The following METTL22 variants were observed in gnomAD, a reference collection of about 807,000 sequenced individuals.
METTL22 encodes the protein methyltransferase 22, Kin17 lysine, also known as methyltransferase-like protein 22.
Under a neutral mutation model 48.4 loss-of-function variants are expected in METTL22, and 51 were observed. The ratio of observed to expected loss-of-function variants is 1.05; its 90% CI spans 0.84 to 1.33. The LOEUF (loss-of-function observed/expected upper bound fraction) is 1.33. Ranked by LOEUF, METTL22 falls within the 40% of genes most tolerant of loss-of-function variation. METTL22 has a pLI of 0.00. For synonymous variants in METTL22, 255 were observed against 214.1 expected, an observed-to-expected ratio of 1.19 and a Z score of -1.67; for missense variants, 678 against 526.9, an observed-to-expected ratio of 1.29 and a Z score of -2.81.
At chr16:8,627,509 G>A (rs1008628282) in intron 2 of METTL22, among the ~76,000 whole-genome samples, 7 of 152,120 alleles carry the variant, frequency 4.6e-5, no homozygotes, top group Non-Finnish European at 1.0e-4. Flanking sequence ...GTATTAGCTT[G>A]TTATGGTGTG....
intron 3 of METTL22, 64 bp downstream of exon 3, chr16:8,629,174 G>A: frequency 6.4e-7 from 1 of 1,559,288 alleles, no homozygotes; most frequent in Non-Finnish European, 8.7e-7. Flanking sequence ...ACTGCTCAGG[G>A]CTCAGTATGA....
chr16:8,642,009 C>A, intron 7 of METTL22, 118 bp from the exon 8 acceptor site: 1 of 772,012 alleles, frequency 1.3e-6, no homozygotes, highest in South Asian at 1.5e-5. Context: ...GTGCCCACTG[C>A]ACCGAGCTAC....
chr16:8,623,171 G>A (rs2055914050), intron 1 of METTL22, among the ~76,000 whole-genome samples: 1 of 151,972 alleles, frequency 6.6e-6, no homozygotes, highest in Non-Finnish European at 1.5e-5. Context: ...AAAATTAGGT[G>A]GACATTGTGG....
chr16:8,629,511 G>A (rs1401822907), intron 3 of METTL22, among the ~76,000 whole-genome samples: 1 of 152,176 alleles, frequency 6.6e-6, no homozygotes. Flanking sequence ...TGGCTGGGCT[G>A]GCAGTAGGGA....
At chr16:8,666,311 G>A in the METTL22 span, among the ~76,000 whole-genome samples, 12 of 152,136 alleles carry the variant, frequency 7.9e-5, no homozygotes, top group Non-Finnish European at 1.0e-4. Flanking sequence ...CCAATGGAAC[G>A]GAGCTGCAGT....
At chr16:8,660,780 TGGAGGA>T in the METTL22 span, among the ~76,000 whole-genome samples, 181 of 15,674 alleles carry the variant, frequency 0.012, 2 homozygotes, top group South Asian at 0.041. Flanking sequence ...GGGCAAGTCT[TGGAGGA>T]GGAGGAGGAG....
At chr16:8,658,679 C>G in the METTL22 span, among the ~76,000 whole-genome samples, 2 of 152,338 alleles carry the variant, frequency 1.3e-5, no homozygotes, top group Middle Eastern at 3.4e-3. Context: ...ACCGAAAGAT[C>G]TTCCTGCTAT....
downstream of METTL22, among the ~76,000 whole-genome samples, chr16:8,652,415 T>C (rs550965221): frequency 3.5e-3 from 478 of 135,400 alleles, 2 homozygotes; most frequent in Middle Eastern, 0.014. Context: ...GCCGAGATCA[T>C]GCCGCTGCAC....
downstream of METTL22, among the ~76,000 whole-genome samples, chr16:8,652,244 C>A (rs1641088): frequency 0.99 from 149,999 of 151,910 alleles, 74,086 homozygotes; most frequent in Middle Eastern, 1. Flanking sequence ...GGATCATTTG[C>A]GGTCAGGAGT....
the METTL22 span, among the ~76,000 whole-genome samples, chr16:8,655,780 C>T: frequency 1.3e-5 from 2 of 152,344 alleles, no homozygotes; most frequent in African/African-American, 4.8e-5. Context: ...CCATTGAGCA[C>T]CAACTTCCAT....
downstream of METTL22, among the ~76,000 whole-genome samples, chr16:8,651,113 C>T (rs77761039): frequency 0.092 from 13,872 of 151,404 alleles, 725 homozygotes; most frequent in Middle Eastern, 0.14. Context: ...ATGGGCCAGG[C>T]GCAGTGGCTC....
chr16:8,622,717 C>T (rs1005431707), intron 1 of METTL22, among the ~76,000 whole-genome samples: 3 of 152,196 alleles, frequency 2.0e-5, no homozygotes, highest in Non-Finnish European at 4.4e-5. Flanking sequence ...TGGTAATTGT[C>T]TCATATACTC....
intron 10 of METTL22, chr16:8,645,064 G>T (rs775508932): frequency 3.1e-5 from 6 of 191,758 alleles, no homozygotes; most frequent in Non-Finnish European, 6.4e-5. Flanking sequence ...AAGTTTGTGG[G>T]TTGCAGATCT....
chr16:8,626,588 A>G (rs1321644284), intron 2 of METTL22, among the ~76,000 whole-genome samples: 1 of 150,120 alleles, frequency 6.7e-6, no homozygotes, highest in Non-Finnish European at 1.5e-5. Flanking sequence ...AGCTGGGATT[A>G]CCGGCACCTG....
At chr16:8,634,683 A>G in intron 3 of METTL22, among the ~76,000 whole-genome samples, 1 of 152,214 alleles carries the variant, frequency 6.6e-6, no homozygotes, top group East Asian at 1.9e-4. Flanking sequence ...ATATATTATG[A>G]TTGTAACTTT....
chr16:8,642,865 G>A, intron 9 of METTL22: 1 of 432,906 alleles, frequency 2.3e-6, no homozygotes, highest in Non-Finnish European at 4.3e-6. Context: ...AATGCAGACT[G>A]TACTGGAACC....
intron 3 of METTL22, chr16:8,632,033 C>G (rs550803787): frequency 1.3e-5 from 2 of 152,240 alleles, no homozygotes; most frequent in African/African-American, 2.4e-5. Context: ...TTTACCCATT[C>G]GAACACTAGC....
chr16:8,644,041 C>G (rs1641062), intron 9 of METTL22, among the ~76,000 whole-genome samples: 150,412 of 152,314 alleles, frequency 0.99, 74,302 homozygotes, highest in Middle Eastern at 1. Context: ...TTTTGAAAGG[C>G]AAGTGGCAGG....
At position 8,642,128 on chromosome 16, in the gene METTL22, T is replaced by C; in HGVS notation, c.828T>C (p.Asp276=). 1 of 1,612,156 alleles carries C rather than the reference T, an allele frequency of 6.2e-7. No individual in the cohort carries two copies. ...LDWLKDDLCT[D]PKVPFSWSQE... is the part of the protein sequence containing the mutation. ...AAGTGTGCTTTTGTTCTTTCTTAGA[T>C]CCCAAGGTCCCCTTCAGTTGGTCAC... Residue 276 remains aspartate, a splice_region_variant and synonymous_variant, in exon 8 of 11, where the codon GAT becomes GAC. Transcript: ENST00000381920.
Sources: allele counts gnomAD v4.1 joint callset (sites outside exome capture counted in the v4.1 genomes callset), GRCh38; gene constraint gnomAD v4.1.1; transcripts MANE v1.5; gene names NCBI Gene and HGNC (gene_info 2026-07-23, HGNC 2026-07-21).